Variants in ASTN1 observed in about 807,000 individuals in gnomAD.
ASTN1 encodes astrotactin 1.
A neutral mutation model predicts 140.7 loss-of-function variants in ASTN1; 41 were observed. The ratio of observed to expected loss-of-function variants is 0.29; its 90% CI spans 0.23 to 0.38. The LOEUF is 0.38. Ranked by LOEUF, ASTN1 falls within the 10% of genes least tolerant of loss-of-function variation. The pLI is 1.00. For synonymous variants in ASTN1, 640 were observed against 652.2 expected, an observed-to-expected ratio of 0.98 and a Z score of 0.29; for missense variants, 1,479 against 1,678.8, an observed-to-expected ratio of 0.88 and a Z score of 2.08.
chr1:177,151,525 A>C (rs1456182020), intron 1 of ASTN1, among the ~76,000 whole-genome samples: 2 of 152,100 alleles, frequency 1.3e-5, no homozygotes, highest in African/African-American at 4.8e-5. Context: ...ACTCTGCAGA[A>C]GAGGACAAGG....
intron 1 of ASTN1, among the ~76,000 whole-genome samples, chr1:177,134,632 C>T (rs936676763): frequency 1.3e-5 from 2 of 152,164 alleles, no homozygotes; most frequent in Non-Finnish European, 2.9e-5. Flanking sequence ...CTGCAAAAAT[C>T]CTCAAAGAAA....
intron 1 of ASTN1, among the ~76,000 whole-genome samples, chr1:177,065,098 A>C (rs1678286876): frequency 6.6e-6 from 1 of 152,190 alleles, no homozygotes; most frequent in Non-Finnish European, 1.5e-5. Context: ...AGGCCAGCTG[A>C]GGGTGTCGAG....
intron 9 of ASTN1, among the ~76,000 whole-genome samples, chr1:176,959,688 G>A (rs756545396): frequency 3.3e-5 from 5 of 152,164 alleles, no homozygotes; most frequent in Non-Finnish European, 7.4e-5. Flanking sequence ...CCAGCTTAAC[G>A]CAGGGGATTT....
At chr1:176,992,660 C>A (rs1369987878) in intron 8 of ASTN1, among the ~76,000 whole-genome samples, 1 of 152,098 alleles carries the variant, frequency 6.6e-6, no homozygotes, top group Non-Finnish European at 1.5e-5. Context: ...ATTGCAAAAT[C>A]TCTCATTAGC....
chr1:177,108,911 T>C (rs1680680976), intron 1 of ASTN1, among the ~76,000 whole-genome samples: 1 of 152,106 alleles, frequency 6.6e-6, no homozygotes, highest in African/African-American at 2.4e-5. Flanking sequence ...TGAGATCATC[T>C]AGGAAGAAAA....
At chr1:176,992,067 C>T (rs1208151395) in intron 8 of ASTN1, among the ~76,000 whole-genome samples, 2 of 152,078 alleles carry the variant, frequency 1.3e-5, no homozygotes, top group Non-Finnish European at 2.9e-5. Flanking sequence ...AATTCAAAGT[C>T]GTTAGTATGG....
At position 176,861,367 on chromosome 1, in the gene ASTN1, A is replaced by G. The variant is rs1042508114; in HGVS notation, c.*2917T>C. 120 of 985,790 alleles carry G rather than the reference A, an allele frequency of 1.2e-4. No homozygotes were observed. The highest frequency in any genetic ancestry group is 3.7e-4 in the Admixed American group (6 of 16,278). 61.1% of individuals were successfully genotyped at this position (985,790 alleles called of 1,614,324 possible). On this transcript the variant is annotated 3_prime_UTR_variant, in exon 23 of 23. Coordinates refer to ENST00000361833, the MANE Select transcript of ASTN1 (RefSeq NM_004319.3). The stretch of plus-strand genomic sequence containing the variant: ...TCATGTACATTCAAGAGGAAACTCC[A>G]GAGGTCTTGGGGACATGGGAGCTGG...
intron 1 of ASTN1, among the ~76,000 whole-genome samples, chr1:177,149,304 G>C (rs1332950471): frequency 6.4e-5 from 5 of 78,538 alleles, no homozygotes; most frequent in Admixed American, 6.3e-4. Flanking sequence ...TATATATATA[G>C]TAAATATATA....
chr1:177,033,163 T>G, intron 2 of ASTN1, among the ~76,000 whole-genome samples: 1 of 117,834 alleles, frequency 8.5e-6, no homozygotes, highest in African/African-American at 3.0e-5. Flanking sequence ...GTGTGCGTGA[T>G]TTCAGCTGCA....
At chr1:176,951,774 CAGTT>C (rs1252403790) in intron 11 of ASTN1, among the ~76,000 whole-genome samples, 13 of 152,192 alleles carry the variant, frequency 8.5e-5, no homozygotes, top group Non-Finnish European at 1.6e-4. Flanking sequence ...GCAGAAAAGA[CAGTT>C]AGCTGTCTTG....
chr1:177,039,435 G>A (rs918640424), intron 2 of ASTN1, among the ~76,000 whole-genome samples: 1 of 152,144 alleles, frequency 6.6e-6, no homozygotes, highest in African/African-American at 2.4e-5. Context: ...TTTTATAAGA[G>A]GCAGAACAAG....
chr1:177,048,995 A>C (rs946010757), intron 2 of ASTN1, among the ~76,000 whole-genome samples: 1 of 152,222 alleles, frequency 6.6e-6, no homozygotes, highest in Admixed American at 6.5e-5. Flanking sequence ...CTCAACCTGT[A>C]TACAAGCCTG....
At chr1:176,918,980 C>T (rs1670617384) in intron 16 of ASTN1, among the ~76,000 whole-genome samples, 1 of 152,230 alleles carries the variant, frequency 6.6e-6, no homozygotes, top group Non-Finnish European at 1.5e-5. Flanking sequence ...TCACCATCCA[C>T]ATCTTGGCAT....
At chr1:176,869,117 GACAT>G in intron 21 of ASTN1, 90 bp from the exon 22 acceptor site, 4 of 868,698 alleles carry the variant, frequency 4.6e-6, no homozygotes, top group African/African-American at 3.4e-5. Context: ...ATATCATATA[GACAT>G]ATCACATATA....
intron 1 of ASTN1, among the ~76,000 whole-genome samples, chr1:177,117,918 C>T (rs554719052): frequency 2.4e-4 from 36 of 152,292 alleles, no homozygotes; most frequent in African/African-American, 8.4e-4. Context: ...ATCATTTCTT[C>T]TTTGCCTGTT....
intron 1 of ASTN1, among the ~76,000 whole-genome samples, chr1:177,153,546 C>T (rs1041963456): frequency 3.0e-4 from 45 of 151,914 alleles, no homozygotes; most frequent in African/African-American, 1.0e-3. Context: ...TCAAAATATA[C>T]CAAGTATTTA....
chr1:176,893,232 C>G (rs943568426), intron 17 of ASTN1, among the ~76,000 whole-genome samples: 10 of 152,066 alleles, frequency 6.6e-5, no homozygotes, highest in Non-Finnish European at 1.5e-4. Context: ...GCAAGTGGCC[C>G]GGGAGCTCTT....
intron 1 of ASTN1, among the ~76,000 whole-genome samples, chr1:177,065,225 G>A (rs908335686): frequency 2.6e-5 from 4 of 152,172 alleles, no homozygotes; most frequent in African/African-American, 9.7e-5. Flanking sequence ...TCATCACGCT[G>A]TGGGACTGAG....
intron 8 of ASTN1, 24 bp from the exon 9 acceptor site, chr1:176,965,261 T>C: frequency 6.2e-7 from 1 of 1,612,074 alleles, no homozygotes; most frequent in Non-Finnish European, 8.5e-7. Context: ...CATCATTCAA[T>C]TAAATTCAAC....
Sources: gnomAD v4.1 joint callset for allele counts (sites outside exome capture counted in the v4.1 genomes callset) on GRCh38, gnomAD v4.1.1 for gene constraint, MANE v1.5 for transcripts, NCBI Gene and HGNC (gene_info 2026-07-23, HGNC 2026-07-21) for gene names.